Variants in FAM163A observed in about 807,000 individuals in gnomAD.
FAM163A encodes family with sequence similarity 163 member A.
Under a neutral mutation model 12.0 loss-of-function variants are expected in FAM163A, and 7 were observed. The ratio of observed to expected loss-of-function variants is 0.58; its 90% CI spans 0.33 to 1.10. The LOEUF (loss-of-function observed/expected upper bound fraction) is 1.10. FAM163A is among the 50% of genes least tolerant of loss of function. The pLI, the probability that FAM163A is intolerant of heterozygous loss-of-function variation, is 0.03. For synonymous variants in FAM163A, 101 were observed against 91.0 expected (o/e 1.11, Z -0.62); for missense variants, 202 against 218.6 (o/e 0.92, Z 0.48).
upstream of FAM163A, among the ~76,000 whole-genome samples, chr1:179,740,806 ATGT>A (rs1683552974): frequency 6.6e-6 from 1 of 152,142 alleles, no homozygotes; most frequent in Non-Finnish European, 1.5e-5. Context: ...GGTGGTGGAA[ATGT>A]TGTGTATCTT....
At chr1:179,741,912 T>A (rs1005163091), upstream of FAM163A, 2 of 152,244 alleles carry the variant, frequency 1.3e-5, no homozygotes, top group African/African-American at 4.8e-5. Flanking sequence ...GTTTGGTTTA[T>A]GATTCATTAG....
At chr1:179,764,403 G>C (rs550473625) in intron 1 of FAM163A, among the ~76,000 whole-genome samples, 1 of 152,260 alleles carries the variant, frequency 6.6e-6, no homozygotes, top group African/African-American at 2.4e-5. Flanking sequence ...AAGTCTCGTG[G>C]ATAGACTTTG....
chr1:179,744,756 C>T (rs1206352253), intron 1 of FAM163A, among the ~76,000 whole-genome samples: 1 of 152,176 alleles, frequency 6.6e-6, no homozygotes, highest in Admixed American at 6.5e-5. Flanking sequence ...CAGGGGGCCC[C>T]ATCCTGAGAT....
chr1:179,781,263 T>C (rs1689683072), intron 1 of FAM163A, among the ~76,000 whole-genome samples: 1 of 152,200 alleles, frequency 6.6e-6, no homozygotes, highest in Non-Finnish European at 1.5e-5. Context: ...TCCTAAGAAC[T>C]ACTGAATTGT....
the FAM163A span, among the ~76,000 whole-genome samples, chr1:179,738,096 G>A: frequency 2.6e-5 from 4 of 152,164 alleles, no homozygotes; most frequent in Admixed American, 6.5e-5. Context: ...AAGTGGAGAG[G>A]AAGGGAAGGG....
intron 1 of FAM163A, among the ~76,000 whole-genome samples, chr1:179,771,172 C>T (rs997116239): frequency 1.3e-5 from 2 of 152,154 alleles, no homozygotes; most frequent in African/African-American, 4.8e-5. Context: ...GAACACTCCC[C>T]CATTGTCAAG....
At chr1:179,741,960 A>C (rs1282103076), upstream of FAM163A, 1 of 152,238 alleles carries the variant, frequency 6.6e-6, no homozygotes, top group Non-Finnish European at 1.5e-5. Context: ...TCTGTGTTAC[A>C]GTTTATAACA....
the FAM163A span, among the ~76,000 whole-genome samples, chr1:179,732,983 G>T: frequency 6.6e-6 from 1 of 151,560 alleles, no homozygotes; most frequent in African/African-American, 2.4e-5. Flanking sequence ...CATAAGAGAG[G>T]ATGTGGACAG....
the FAM163A span, among the ~76,000 whole-genome samples, chr1:179,728,771 G>C: frequency 1.3e-5 from 2 of 152,100 alleles, no homozygotes; most frequent in Non-Finnish European, 2.9e-5. Context: ...AAAGCTATTG[G>C]TTTAATCTAC....
At chr1:179,788,302 C>A (rs1206228421) in intron 1 of FAM163A, among the ~76,000 whole-genome samples, 1 of 152,176 alleles carries the variant, frequency 6.6e-6, no homozygotes, top group Non-Finnish European at 1.5e-5. Context: ...TTTGGTAAAT[C>A]CGAACGATAT....
the FAM163A span, among the ~76,000 whole-genome samples, chr1:179,731,755 C>T: frequency 1.3e-5 from 2 of 152,194 alleles, no homozygotes; most frequent in African/African-American, 4.8e-5. Context: ...TTTTCTCCCT[C>T]GTGCCCATTT....
intron 2 of FAM163A, among the ~76,000 whole-genome samples, chr1:179,811,424 G>T (rs546322100): frequency 6.6e-6 from 1 of 152,336 alleles, no homozygotes; most frequent in East Asian, 1.9e-4. Context: ...ATTCTGGGCA[G>T]CTAGGGGAAC....
At position 179,753,770 on chromosome 1, in the gene FAM163A, TGATGAGCACTAG is replaced by T. The variant is rs974981192; in HGVS notation, c.-136+10350_-136+10361del. On this transcript the variant is annotated intron_variant, in intron 1 of 4. Transcript: ENST00000341785. The stretch of plus-strand genomic sequence containing the variant: ...GAAGAAGTTTATTTTAGAGTGCGTG[TGATGAGCACTAG>T]GAGAAAGACTCGGTGAAGAGAGAAA... Among the ~76,000 whole-genome samples, 16 of 152,162 alleles carry T rather than the reference TGATGAGCACTAG, an allele frequency of 1.1e-4. No homozygotes were observed. In the South Asian group the frequency reaches 2.1e-3, roughly 20 times the overall value.
chr1:179,743,666 G>T (rs1683982579), intron 1 of FAM163A, among the ~76,000 whole-genome samples: 1 of 152,134 alleles, frequency 6.6e-6, no homozygotes, highest in Non-Finnish European at 1.5e-5. Context: ...CCCTCTCCGC[G>T]CCAGGGGCCT....
intron 1 of FAM163A, among the ~76,000 whole-genome samples, chr1:179,789,166 A>G (rs1394664526): frequency 6.6e-6 from 1 of 151,182 alleles, no homozygotes; most frequent in Non-Finnish European, 1.5e-5. Context: ...TTCCCAGGGG[A>G]GCAGAGAGGA....
At chr1:179,780,908 C>T (rs753920320) in intron 1 of FAM163A, among the ~76,000 whole-genome samples, 19 of 152,272 alleles carry the variant, frequency 1.2e-4, no homozygotes, top group Non-Finnish European at 2.4e-4. Context: ...TTGGTGTTGA[C>T]AGGACAGAGG....
intron 3 of FAM163A, among the ~76,000 whole-genome samples, chr1:179,812,396 G>A (rs528813371): frequency 5.3e-5 from 8 of 152,244 alleles, no homozygotes; most frequent in Admixed American, 2.0e-4. Flanking sequence ...CTCTGGGCTC[G>A]CCTTGCCTTT....
At chr1:179,738,271 A>T in the FAM163A span, among the ~76,000 whole-genome samples, 2 of 152,248 alleles carry the variant, frequency 1.3e-5, no homozygotes, top group African/African-American at 4.8e-5. Context: ...CAAAGAAATG[A>T]TAAATGTGTG....
chr1:179,773,482 G>T (rs971672549), intron 1 of FAM163A, among the ~76,000 whole-genome samples: 4 of 152,184 alleles, frequency 2.6e-5, no homozygotes, highest in African/African-American at 7.2e-5. Context: ...GGGGAAACTG[G>T]GTGAGGAGTA....
Sources: gnomAD v4.1 joint callset for allele counts (sites outside exome capture counted in the v4.1 genomes callset) on GRCh38, gnomAD v4.1.1 for gene constraint, MANE v1.5 for transcripts, NCBI Gene and HGNC (gene_info 2026-07-23, HGNC 2026-07-21) for gene names.